The following SCN1A variants were observed in gnomAD, a reference collection of about 807,000 sequenced individuals.
SCN1A encodes the protein sodium voltage-gated channel alpha subunit 1.
In SCN1A, 13 loss-of-function variants were observed where a neutral mutation model predicts 193.7. The observed-to-expected ratio is 0.07, with a 90% CI of 0.04 to 0.11. The LOEUF is 0.11. Ranked by LOEUF, SCN1A falls within the 10% of genes least tolerant of loss-of-function variation. SCN1A has a pLI of 1.00. For synonymous variants in SCN1A, 781 were observed against 843.6 expected (o/e 0.93, Z 1.29); for missense variants, 1,432 against 2,451.1 (o/e 0.58, Z 8.78).
intron 19 of SCN1A, among the ~76,000 whole-genome samples, chr2:166,028,809 A>T (rs1695152164): frequency 6.6e-6 from 1 of 152,176 alleles, no homozygotes; most frequent in African/African-American, 2.4e-5. Flanking sequence ...AACATAATAG[A>T]CTTAGTATCT....
intron 4 of SCN1A, among the ~76,000 whole-genome samples, chr2:166,069,062 A>G (rs986851653): frequency 6.6e-6 from 1 of 152,198 alleles, no homozygotes; most frequent in African/African-American, 2.4e-5. Flanking sequence ...GGAAACTGTG[A>G]AAAAAAGTCC....
chr2:166,009,635 C>G, intron 23 of SCN1A, 84 bp downstream of exon 23: 1 of 1,351,790 alleles, frequency 7.4e-7, no homozygotes, highest in South Asian at 1.4e-5. Flanking sequence ...ATTCCTTTTG[C>G]ATGCATAGAT....
upstream of SCN1A, among the ~76,000 whole-genome samples, chr2:166,130,941 A>G (rs1204362578): frequency 6.6e-6 from 1 of 152,202 alleles, no homozygotes; most frequent in Non-Finnish European, 1.5e-5. Context: ...TATTAAAACA[A>G]AACTCTGTGC....
chr2:166,013,446 C>A (rs1692816417), intron 21 of SCN1A, among the ~76,000 whole-genome samples: 1 of 151,390 alleles, frequency 6.6e-6, no homozygotes, highest in Non-Finnish European at 1.5e-5. Context: ...TTTAATTAAA[C>A]AATGAGTAAT....
intron 7 of SCN1A, 88 bp downstream of exon 7, chr2:166,054,550 C>T: frequency 1.5e-6 from 2 of 1,364,756 alleles, no homozygotes; most frequent in Non-Finnish European, 2.1e-6. Flanking sequence ...AAATATTCTA[C>T]AGGTAAAGCA....
At chr2:166,054,393 G>A (rs559304655) in intron 7 of SCN1A, among the ~76,000 whole-genome samples, 1 of 152,056 alleles carries the variant, frequency 6.6e-6, no homozygotes, top group East Asian at 1.9e-4. Context: ...GTGTGGAAGA[G>A]TGGCATATGT....
intron 2 of SCN1A, chr2:166,123,682 CTT>C (rs1297141787): frequency 6.6e-6 from 1 of 151,834 alleles, no homozygotes; most frequent in Non-Finnish European, 1.5e-5. Flanking sequence ...ACTCTCAAAA[CTT>C]TTTTTTGTGA....
At chr2:166,099,189 A>G (rs925333904) in intron 2 of SCN1A, among the ~76,000 whole-genome samples, 2 of 152,116 alleles carry the variant, frequency 1.3e-5, no homozygotes, top group Non-Finnish European at 2.9e-5. Flanking sequence ...CATCCCTGGG[A>G]TGCAAGGCTG....
Position 166,042,294 on chromosome 2 carries a change from T to G in SCN1A, c.2174A>C (p.Glu725Ala). The G allele has an allele frequency of 6.2e-7, 1 of 1,613,590 alleles. No homozygotes were observed. The highest frequency in any genetic ancestry group is 8.5e-7 in the Non-Finnish European group (1 of 1,179,714). Reference sequence around the variant, plus strand: ...CGAAAATAGAATTTGTTACCAACCTTCTACTGTATTTGTTAGAATGCTGGC... The same window carrying G: ...CGAAAATAGAATTTGTTACCAACCTGCTACTGTATTTGTTAGAATGCTGGC... ...SIASILTNTVEELEESRQKCP... is the reference protein window; with the variant it reads ...SIASILTNTVAELEESRQKCP... The change falls in exon 15 of 29, where the codon GAA (glutamate) becomes GCA (alanine). Residue 725 changes from glutamate (E) to alanine (A), a missense_variant and splice_region_variant. Transcript: ENST00000674923.
intron 23 of SCN1A, chr2:166,009,406 A>C (rs1193250171): frequency 5.2e-6 from 1 of 191,278 alleles, no homozygotes; most frequent in Non-Finnish European, 1.1e-5. Flanking sequence ...TTACCATTAT[A>C]TCATTACACA....
chr2:166,006,066 T>C (rs1691609809), intron 23 of SCN1A, among the ~76,000 whole-genome samples: 1 of 151,358 alleles, frequency 6.6e-6, no homozygotes, highest in Non-Finnish European at 1.5e-5. Context: ...GAAATTTTCA[T>C]ACATGCAGAA....
At chr2:166,117,028 TG>T (rs1689946423) in intron 2 of SCN1A, among the ~76,000 whole-genome samples, 1 of 152,188 alleles carries the variant, frequency 6.6e-6, no homozygotes, top group African/African-American at 2.4e-5. Flanking sequence ...TGGTGGCAGA[TG>T]CATCTTTTTC....
chr2:166,081,022 C>T (rs1442535351), intron 2 of SCN1A, among the ~76,000 whole-genome samples: 1 of 148,124 alleles, frequency 6.8e-6, no homozygotes, highest in Non-Finnish European at 1.5e-5. Context: ...GAGGTTTTTG[C>T]TTCTGGGCAT....
chr2:166,007,892 A>G (rs1484908447), intron 23 of SCN1A, among the ~76,000 whole-genome samples: 2 of 151,306 alleles, frequency 1.3e-5, no homozygotes, highest in African/African-American at 2.4e-5. Context: ...ACCATCATTC[A>G]TGATTATATT....
intron 2 of SCN1A, chr2:166,109,423 G>T (rs1045673035): frequency 6.6e-6 from 1 of 152,114 alleles, no homozygotes; most frequent in Non-Finnish European, 1.5e-5. Context: ...ACTTGGTGTG[G>T]TCTTATCATA....
intron 2 of SCN1A, among the ~76,000 whole-genome samples, chr2:166,109,944 G>T (rs1485723117): frequency 1.3e-5 from 2 of 152,002 alleles, no homozygotes; most frequent in Non-Finnish European, 2.9e-5. Flanking sequence ...TAGTTAAATA[G>T]AATAAGATCT....
At chr2:165,994,484 T>G in intron 27 of SCN1A, 68 bp from the exon 28 acceptor site, 1 of 1,444,580 alleles carries the variant, frequency 6.9e-7, no homozygotes, top group Non-Finnish European at 9.7e-7. Flanking sequence ...TTAAGTACTT[T>G]CTGCATTAAT....
intron 2 of SCN1A, among the ~76,000 whole-genome samples, chr2:166,106,018 T>C (rs145673997): frequency 0.016 from 2,466 of 152,180 alleles, 40 homozygotes; most frequent in Middle Eastern, 0.041. Flanking sequence ...AAAACCCGTC[T>C]CTACTAAAAA....
chr2:166,127,252 C>G (rs1306088138), intron 1 of SCN1A, among the ~76,000 whole-genome samples: 1 of 152,134 alleles, frequency 6.6e-6, no homozygotes, highest in African/African-American at 2.4e-5. Flanking sequence ...TTCTCAAAAG[C>G]CCAGCCTCAG....
Sources: gnomAD v4.1 joint callset for allele counts (sites outside exome capture counted in the v4.1 genomes callset) on GRCh38, gnomAD v4.1.1 for gene constraint, MANE v1.5 for transcripts, NCBI Gene and HGNC (gene_info 2026-07-23, HGNC 2026-07-21) for gene names.